Variants in DACH2 observed in about 807,000 individuals in gnomAD.
DACH2 encodes the protein dachshund homolog 2.
DACH2 carries 17 observed loss-of-function variants against 35.8 expected under a neutral mutation model. The observed-to-expected ratio is 0.48, with a 90% CI of 0.33 to 0.71. The LOEUF (loss-of-function observed/expected upper bound fraction) is 0.71. Ranked by LOEUF, DACH2 falls within the 30% of genes least tolerant of loss-of-function variation. The probability of loss-of-function intolerance (pLI) is 0.02; values close to 1 mark genes in which losing one functional copy is unlikely to be tolerated. For missense variants in DACH2, 469 were observed against 472.7 expected (o/e 0.99, Z 0.07); for synonymous variants, 195 against 177.3 (o/e 1.10, Z -0.79).
At chrX:86,149,752 C>T (rs1192079494) in intron 1 of DACH2, among the ~76,000 whole-genome samples, 1 of 112,446 alleles carries the variant, frequency 8.9e-6, no homozygotes, top group Non-Finnish European at 1.9e-5. Context: ...CCCCAGTACA[C>T]GATACAGGAA....
chrX:86,293,918 C>T (rs1327782073), intron 1 of DACH2, among the ~76,000 whole-genome samples: 2 of 110,730 alleles, frequency 1.8e-5, no homozygotes, highest in Non-Finnish European at 3.8e-5. Context: ...GTGCTCTTCT[C>T]GAGGAGTATC....
At chrX:86,466,174 G>T (rs1037442450) in intron 2 of DACH2, among the ~76,000 whole-genome samples, 2 of 111,575 alleles carry the variant, frequency 1.8e-5, no homozygotes, top group Non-Finnish European at 3.8e-5. Context: ...AAATGAGAGA[G>T]ATGCAAAAGT....
intron 3 of DACH2, among the ~76,000 whole-genome samples, chrX:86,611,587 T>C (rs1335785556): frequency 3.6e-5 from 4 of 111,616 alleles, no homozygotes; most frequent in Non-Finnish European, 7.5e-5. Context: ...TAATTAAAGA[T>C]CTGACTGATG....
intron 1 of DACH2, among the ~76,000 whole-genome samples, chrX:86,314,119 C>A (rs1365957738): frequency 1.8e-5 from 2 of 109,982 alleles, no homozygotes; most frequent in Admixed American, 2.0e-4. Flanking sequence ...TCTCCCTATT[C>A]CCTGAGGCAC....
Position 86,612,635 on chromosome X carries a change from C to A in DACH2, c.641-38401C>A, listed in dbSNP as rs149542634. ...ATAGCTATGCTTTCCCTCCTGCCAGCACATAGATTCTCTCTCCACACCAGG... is the reference window on the plus strand; with the variant it reads ...ATAGCTATGCTTTCCCTCCTGCCAGAACATAGATTCTCTCTCCACACCAGG... On this transcript the variant is annotated intron_variant, in intron 3 of 11. Coordinates refer to ENST00000373125, the MANE Select transcript of DACH2 (RefSeq NM_053281.3). 4.2e-3 allele frequency among the ~76,000 whole-genome samples: 476 copies of A among 112,208 alleles called. 2 individuals are homozygous for A. The highest frequency in any genetic ancestry group is 7.4e-3 in the Non-Finnish European group (392 of 53,231).
At chrX:86,569,591 A>G (rs1490148013) in intron 3 of DACH2, among the ~76,000 whole-genome samples, 1 of 111,262 alleles carries the variant, frequency 9.0e-6, no homozygotes, top group Non-Finnish European at 1.9e-5. Context: ...AGTCAAGCTC[A>G]TCTTCACCCT....
chrX:86,633,265 A>T (rs1436116820), intron 3 of DACH2, among the ~76,000 whole-genome samples: 2 of 111,569 alleles, frequency 1.8e-5, no homozygotes, highest in African/African-American at 6.5e-5. Flanking sequence ...AATGAAAAAG[A>T]GACATTACTA....
At chrX:86,434,371 T>A in intron 2 of DACH2, among the ~76,000 whole-genome samples, 1 of 111,840 alleles carries the variant, frequency 8.9e-6, no homozygotes, top group East Asian at 2.8e-4. Context: ...AAAGTGTACC[T>A]TTTTAAAATG....
In DACH2 at chrX:86,798,110, G is replaced by C. The variant is rs1001727845; in HGVS notation, c.1241-14746G>C. On this transcript the variant is annotated intron_variant, in intron 7 of 11. Coordinates refer to ENST00000373125, the MANE Select transcript of DACH2 (RefSeq NM_053281.3). ...ACATATTTCTGCATTTTACATTAGT[G>C]GATCTCAGAAGTTGGGGAGAAAAGA... 4.5e-5 allele frequency among the ~76,000 whole-genome samples: 5 copies of C among 112,054 alleles called. No individual in the cohort carries two copies. The Admixed American group carries it at 4.7e-4, about 11-fold the overall frequency.
At chrX:86,281,853 A>C (rs1429850820) in intron 1 of DACH2, among the ~76,000 whole-genome samples, 2 of 112,100 alleles carry the variant, frequency 1.8e-5, no homozygotes, top group East Asian at 5.6e-4. Context: ...CCTATACACC[A>C]ATAATAGAGA....
intron 7 of DACH2, among the ~76,000 whole-genome samples, chrX:86,762,968 C>G (rs751043127): frequency 1.8e-5 from 2 of 111,353 alleles, no homozygotes; most frequent in Non-Finnish European, 3.8e-5. Flanking sequence ...CCTACCATTC[C>G]CAGCTTCTGG....
At chrX:86,186,450 G>T (rs959896419) in intron 1 of DACH2, among the ~76,000 whole-genome samples, 1 of 111,939 alleles carries the variant, frequency 8.9e-6, no homozygotes, top group African/African-American at 3.2e-5. Context: ...CAAAAATGAA[G>T]AATATTATTT....
intron 1 of DACH2, among the ~76,000 whole-genome samples, chrX:86,299,995 TG>T (rs2148011731): frequency 8.9e-6 from 1 of 111,896 alleles, no homozygotes; most frequent in East Asian, 2.8e-4. Context: ...GTCAACTAGA[TG>T]GGTATCCAAC....
chrX:86,219,790 G>C, intron 1 of DACH2, among the ~76,000 whole-genome samples: 1 of 109,813 alleles, frequency 9.1e-6, no homozygotes, highest in Middle Eastern at 4.7e-3. Context: ...TGTATAATTT[G>C]ATGGATTTGA....
At position 86,726,316 on chromosome X, in the gene DACH2, C is replaced by T. The variant is rs760274371; in HGVS notation, c.1104+11596C>T. ...CAGCAGAGTCAGCCCAAACTCTGTC[C>T]ATTGGTGGGGCACAGCCCAGTGTTA... On this transcript the variant is annotated intron_variant, in intron 6 of 11. Transcript: ENST00000373125. Among the ~76,000 whole-genome samples, 6 of 111,604 alleles carry T rather than the reference C, an allele frequency of 5.4e-5. 1 individual carries two copies. Among genetic ancestry groups the T allele is most frequent in the African/African-American group, 9.8e-5 (3 of 30,662 alleles).
At chrX:86,496,996 G>T (rs1219658292) in intron 2 of DACH2, among the ~76,000 whole-genome samples, 1 of 112,172 alleles carries the variant, frequency 8.9e-6, no homozygotes, top group Non-Finnish European at 1.9e-5. Flanking sequence ...TTACAGGAAT[G>T]CTCTGGACAG....
At chrX:86,744,135 T>C (rs1201769547) in intron 7 of DACH2, among the ~76,000 whole-genome samples, 1 of 111,471 alleles carries the variant, frequency 9.0e-6, no homozygotes, top group Non-Finnish European at 1.9e-5. Context: ...CAGTATCTGA[T>C]TTTCATAAAA....
In DACH2 at chrX:86,784,075, C is replaced by A. The variant is rs188881029; in HGVS notation, c.1241-28781C>A. Reference sequence around the variant, plus strand: ...CATGATGTGCTTATTTCATTACATACTTTTATTAAATCATCCCATGTACCC... The same window carrying A: ...CATGATGTGCTTATTTCATTACATAATTTTATTAAATCATCCCATGTACCC... On this transcript the variant is annotated intron_variant, in intron 7 of 11. Transcript: ENST00000373125. Among the ~76,000 whole-genome samples, 8 of 110,097 alleles carry A rather than the reference C, an allele frequency of 7.3e-5. No individual in the cohort carries two copies. In the South Asian group the frequency reaches 1.5e-3, roughly 21 times the overall value.
intron 1 of DACH2, among the ~76,000 whole-genome samples, chrX:86,231,460 G>C (rs773072594): frequency 9.1e-6 from 1 of 110,322 alleles, no homozygotes; most frequent in Non-Finnish European, 1.9e-5. Flanking sequence ...TGGCTGCTGT[G>C]GGGGGTGGGG....
Sources: allele counts gnomAD v4.1 joint callset (sites outside exome capture counted in the v4.1 genomes callset), GRCh38; gene constraint gnomAD v4.1.1; transcripts MANE v1.5; gene names NCBI Gene and HGNC (gene_info 2026-07-23, HGNC 2026-07-21).